The following OR1D2 variants were observed in gnomAD, a reference collection of about 807,000 sequenced individuals.
OR1D2 encodes olfactory receptor 1D2.
For synonymous variants in OR1D2, 157 were observed against 153.9 expected, an observed-to-expected ratio of 1.02 and a Z score of -0.15; for missense variants, 357 against 376.1, an observed-to-expected ratio of 0.95 and a Z score of 0.42.
At position 3,091,959 on chromosome 17, in the gene OR1D2, C is replaced by A. The variant is rs75845657; in HGVS notation, c.*99G>T. On this transcript the variant is annotated 3_prime_UTR_variant, in exon 2 of 2. Coordinates refer to ENST00000641833, the MANE Select transcript of OR1D2 (RefSeq NM_002548.3). The stretch of plus-strand genomic sequence containing the variant: ...CTATATGCTGTCTCTGAGCTGGAGC[C>A]ATGTCCCAATCACTGCTGTATAACA... 0.025 allele frequency: 22,242 copies of A among 880,130 alleles called. 581 individuals carry two copies. Among genetic ancestry groups the A allele is most frequent in the East Asian group, 0.088 (3,605 of 41,070 alleles). 54.5% of individuals were successfully genotyped at this position (880,130 alleles called of 1,614,324 possible). A position where few individuals can be genotyped will look rare whatever the true frequency, so the allele number is the denominator to read the frequency against.
At position 3,092,604 on chromosome 17, in the gene OR1D2, G is replaced by A. The variant is rs752109677; in HGVS notation, c.393C>T (p.His131=). 1.2e-6 allele frequency: 2 copies of A among 1,614,146 alleles called. No individual in the cohort carries two copies. Among genetic ancestry groups the A allele is most frequent in the Non-Finnish European group, 1.7e-6 (2 of 1,180,026 alleles). Residue 131 remains histidine (H), a synonymous_variant, in exon 2 of 2, where the codon CAC becomes CAT. Coordinates refer to ENST00000641833, the MANE Select transcript of OR1D2 (RefSeq NM_002548.3). The part of the protein sequence containing the change: ...DRYVAICCPL[H]YTTAMSPKLC... ...GCTTAGGGCTCATGGCTGTGGTGTA[G>A]TGGAGGGGGCAGCAGATGGCCACAT...
At chr17:3,096,520 T>C (rs2047845225) in intron 1 of OR1D2, among the ~76,000 whole-genome samples, 2 of 152,228 alleles carry the variant, frequency 1.3e-5, no homozygotes, top group Non-Finnish European at 2.9e-5. Context: ...CTCATCACTT[T>C]GGGAGGCTGA....
Position 3,093,016 on chromosome 17 carries a change from C to T in OR1D2, c.-20G>A. 2 of 1,603,212 alleles carry T rather than the reference C, an allele frequency of 1.2e-6. No individual in the cohort carries two copies. The highest frequency in any genetic ancestry group is 1.1e-5 in the South Asian group (1 of 90,510). On this transcript the variant is annotated 5_prime_UTR_variant, in exon 2 of 2. An upstream start codon of the reference 5' UTR is lost. Transcript: ENST00000641833. ...ATCCATTTCCCCAACTCTCTTTTAA[C>T]ATTAACACCAGCAAATGTTTACCAA...
rs116463044 is a variant in OR1D2 at position 3,094,217 on chromosome 17, A to G, written c.-50-1171T>C. Among the ~76,000 whole-genome samples, 1,091 of 152,294 alleles carry G rather than the reference A, an allele frequency of 7.2e-3. 12 individuals carry two copies. The highest frequency in any genetic ancestry group is 0.025 in the African/African-American group (1,026 of 41,568). ...AAGCCTGCATTATTCAAGAAATGGC[A>G]CATTGAGATAACTGTGTAATTAATT... On this transcript the variant is annotated intron_variant, in intron 1 of 1. Transcript: ENST00000641833.
intron 1 of OR1D2, among the ~76,000 whole-genome samples, chr17:3,096,414 G>GA (rs1261505763): frequency 6.6e-6 from 1 of 152,184 alleles, no homozygotes; most frequent in Non-Finnish European, 1.5e-5. Context: ...GGAACCACAA[G>GA]AAAAACGGAA....
At chr17:3,100,133 G>C (rs1306716445) in intron 1 of OR1D2, among the ~76,000 whole-genome samples, 3 of 152,138 alleles carry the variant, frequency 2.0e-5, no homozygotes, top group Non-Finnish European at 4.4e-5. Context: ...CAATGAGACT[G>C]AAAAATAACA....
At chr17:3,094,691 T>C (rs2047834724) in intron 1 of OR1D2, among the ~76,000 whole-genome samples, 1 of 152,172 alleles carries the variant, frequency 6.6e-6, no homozygotes, top group Admixed American at 6.5e-5. Flanking sequence ...CACAATGTGA[T>C]GTCAGCCTTC....
intron 1 of OR1D2, among the ~76,000 whole-genome samples, chr17:3,098,231 C>A (rs191578123): frequency 2.1e-4 from 32 of 152,318 alleles, no homozygotes; most frequent in Non-Finnish European, 2.9e-5. Flanking sequence ...GACCCTCCAA[C>A]AGGGGATGTC....
At chr17:3,099,536 T>C (rs1423249355) in intron 1 of OR1D2, among the ~76,000 whole-genome samples, 1 of 151,842 alleles carries the variant, frequency 6.6e-6, no homozygotes, top group African/African-American at 2.4e-5. Flanking sequence ...GCACTAAATA[T>C]GGAAAGGAAA....
rs1187967094 is a variant in OR1D2 at position 3,092,676 on chromosome 17, C to T, written c.321G>A (p.Leu107=). The change falls in exon 2 of 2, where the codon TTG becomes TTA. Residue 107 remains leucine (L), a synonymous_variant. Coordinates refer to ENST00000641833, the MANE Select transcript of OR1D2 (RefSeq NM_002548.3). The part of the protein sequence containing the change: ...CLTQLYFLVS[L]VALDNLILAV... ...CCAGGATGAGGTTGTCCAGGGCCAC[C>T]AAGGAGACCAGGAAGTAGAGCTGTG... 1 of 1,613,946 alleles carries T rather than the reference C, an allele frequency of 6.2e-7. No individual in the cohort carries two copies.
chr17:3,099,278 G>A (rs1001117476), intron 1 of OR1D2, among the ~76,000 whole-genome samples: 1 of 152,148 alleles, frequency 6.6e-6, no homozygotes, highest in Admixed American at 6.6e-5. Flanking sequence ...CAGCCAGAGA[G>A]AAAGGTCAGG....
chr17:3,102,784 G>A (rs2047880575), intron 1 of OR1D2, among the ~76,000 whole-genome samples: 1 of 152,120 alleles, frequency 6.6e-6, no homozygotes. Context: ...TCCTTGGAAG[G>A]GGCCTGTGAT....
At chr17:3,098,609 C>T (rs4060716) in intron 1 of OR1D2, among the ~76,000 whole-genome samples, 4 of 152,024 alleles carry the variant, frequency 2.6e-5, no homozygotes, top group East Asian at 1.9e-4. Flanking sequence ...AAAAGGCCAG[C>T]GTGCTGCTGC....
intron 1 of OR1D2, among the ~76,000 whole-genome samples, chr17:3,095,562 C>T (rs2047840294): frequency 6.6e-6 from 1 of 151,826 alleles, no homozygotes; most frequent in East Asian, 1.9e-4. Flanking sequence ...TTTGAATCCA[C>T]ATGCACAAAA....
At chr17:3,097,945 C>T (rs1567949216) in intron 1 of OR1D2, among the ~76,000 whole-genome samples, 2 of 152,282 alleles carry the variant, frequency 1.3e-5, no homozygotes, top group Admixed American at 6.5e-5. Flanking sequence ...GACCCTGACC[C>T]ACTCTTCCTC....
chr17:3,101,371 C>G (rs2047874203), intron 1 of OR1D2, among the ~76,000 whole-genome samples: 1 of 152,134 alleles, frequency 6.6e-6, no homozygotes, highest in Non-Finnish European at 1.5e-5. Context: ...GTTCAACATA[C>G]ATAAATCAAT....
intron 1 of OR1D2, among the ~76,000 whole-genome samples, chr17:3,096,089 G>C (rs1471882336): frequency 1.3e-5 from 2 of 151,902 alleles, no homozygotes; most frequent in Non-Finnish European, 2.9e-5. Flanking sequence ...CAAAAATAGA[G>C]TGAAAAAATT....
In OR1D2 at chr17:3,089,381, T is replaced by A. The variant is rs1597252820; in HGVS notation, c.*2677A>T. 1.3e-5 allele frequency: 2 copies of A among 152,292 alleles called. No individual in the cohort carries two copies. The highest frequency in any genetic ancestry group is 6.5e-5 in the Admixed American group (1 of 15,282). 9.4% of individuals were successfully genotyped at this position (152,292 alleles called of 1,614,324 possible). ...ATACCAGTGCCTGGTCCAGTGGAGG[T>A]AGCAGTGGAGTAAAGTGAACTCTCA... On this transcript the variant is annotated 3_prime_UTR_variant, in exon 2 of 2. Coordinates refer to ENST00000641833, the MANE Select transcript of OR1D2 (RefSeq NM_002548.3).
At position 3,092,824 on chromosome 17, in the gene OR1D2, G is replaced by A. The variant is rs546944838; in HGVS notation, c.173C>T (p.Pro58Leu). The change falls in exon 2 of 2, where the codon CCC becomes CTC. Residue 58 changes from proline (P) to leucine (L), a missense_variant. Pro to Leu is a moderately conservative substitution (Grantham distance 98). Coordinates refer to ENST00000641833, the MANE Select transcript of OR1D2 (RefSeq NM_002548.3). ...AISSDSRLHT[P>L]VYFFLANLSF... Reference sequence around the variant, plus strand: ...GAGGTTGGCCAGGAAGAAGTACACGGGGGTGTGCAGGCGGGAATCAGAGCT... The same window carrying A: ...GAGGTTGGCCAGGAAGAAGTACACGAGGGTGTGCAGGCGGGAATCAGAGCT... 6.2e-7 allele frequency: 1 copy of A among 1,614,092 alleles called. No individual in the cohort carries two copies. The highest frequency in any genetic ancestry group is 1.1e-5 in the South Asian group (1 of 91,076).
Sources: gnomAD v4.1 joint callset for allele counts (sites outside exome capture counted in the v4.1 genomes callset) on GRCh38, gnomAD v4.1.1 for gene constraint, MANE v1.5 for transcripts, NCBI Gene and HGNC (gene_info 2026-07-23, HGNC 2026-07-21) for gene names.